Variants in ITCH observed in about 807,000 individuals in gnomAD.
ITCH encodes E3 ubiquitin-protein ligase Itchy homolog.
In ITCH, 28 loss-of-function variants were observed where a neutral mutation model predicts 126.8. The ratio of observed to expected loss-of-function variants is 0.22; its 90% CI spans 0.16 to 0.30. The LOEUF is 0.30. Among genes scored for constraint, ITCH ranks in the 10% least tolerant of loss-of-function variants. ITCH has a pLI of 1.00. For synonymous variants in ITCH, 342 were observed against 340.0 expected (o/e 1.01, Z -0.06); for missense variants, 631 against 1,032.4 (o/e 0.61, Z 5.33).
intron 7 of ITCH, among the ~76,000 whole-genome samples, chr20:34,428,924 C>T (rs1981917223): frequency 6.6e-6 from 1 of 151,962 alleles, no homozygotes; most frequent in Non-Finnish European, 1.5e-5. Flanking sequence ...TAATTAGCAG[C>T]TAATTGCTTT....
At chr20:34,464,306 TTTTC>T (rs1247103971) in intron 14 of ITCH, among the ~76,000 whole-genome samples, 18 of 151,002 alleles carry the variant, frequency 1.2e-4, no homozygotes, top group African/African-American at 2.2e-4. Flanking sequence ...CTTTTTTTTT[TTTTC>T]TTTCTTTCTT....
At chr20:34,497,779 A>G (rs1218112893) in intron 23 of ITCH, among the ~76,000 whole-genome samples, 2 of 152,078 alleles carry the variant, frequency 1.3e-5, no homozygotes, top group African/African-American at 4.8e-5. Context: ...GCATTTCGCC[A>G]TGTGACTGGT....
intron 2 of ITCH, among the ~76,000 whole-genome samples, chr20:34,372,384 C>CT (rs779017298): frequency 0.02 from 1,902 of 93,154 alleles, 155 homozygotes; most frequent in Non-Finnish European, 0.028. Flanking sequence ...TTAAGTTCTA[C>CT]TTTTTTTTTT....
chr20:34,404,111 A>C (rs575629995), intron 3 of ITCH, among the ~76,000 whole-genome samples: 2 of 152,298 alleles, frequency 1.3e-5, no homozygotes, highest in African/African-American at 2.4e-5. Context: ...TGGAGAAGTG[A>C]GAGTAAAAAC....
At chr20:34,411,981 C>T (rs150347962) in intron 4 of ITCH, among the ~76,000 whole-genome samples, 10 of 152,262 alleles carry the variant, frequency 6.6e-5, no homozygotes, top group East Asian at 1.9e-4. Flanking sequence ...ATGTAGCTGA[C>T]GTGAGGAACT....
At chr20:34,426,852 A>G (rs1981598732) in intron 7 of ITCH, among the ~76,000 whole-genome samples, 1 of 151,488 alleles carries the variant, frequency 6.6e-6, no homozygotes, top group Non-Finnish European at 1.5e-5. Context: ...TTGGCTCTCT[A>G]CAACCTCCAC....
intron 1 of ITCH, among the ~76,000 whole-genome samples, 157 bp downstream of exon 1, chr20:34,363,506 C>A (rs1009123159): frequency 3.3e-5 from 5 of 152,090 alleles, no homozygotes; most frequent in African/African-American, 1.2e-4. Flanking sequence ...CTGTCGGGGG[C>A]GCGGGGAGCT....
At chr20:34,495,451 C>G (rs1188333626) in intron 23 of ITCH, among the ~76,000 whole-genome samples, 1 of 151,926 alleles carries the variant, frequency 6.6e-6, no homozygotes, top group East Asian at 1.9e-4. Context: ...TCCCCTCATT[C>G]CTGCCACCCT....
intron 23 of ITCH, among the ~76,000 whole-genome samples, chr20:34,494,820 G>T (rs183366215): frequency 6.6e-6 from 1 of 151,932 alleles, no homozygotes; most frequent in African/African-American, 2.4e-5. Flanking sequence ...TTAGCTGAGC[G>T]TGGTGGTACA....
rs761311590 is a variant in ITCH at position 34,480,712 on chromosome 20, C to T, written c.1932C>T (p.Tyr644=). ...TAGAATCTATTGATCCAGAATTTTACAATTCTCTCATCTGGGTTAAGTAAG... is the reference window on the plus strand; with the variant it reads ...TAGAATCTATTGATCCAGAATTTTATAATTCTCTCATCTGGGTTAAGTAAG... ...KDLESIDPEF[Y]NSLIWVKENN... Residue 644 remains tyrosine (Y), a synonymous_variant, in exon 19 of 25, where the codon TAC becomes TAT. Transcript: ENST00000374864. 1.6e-5 allele frequency: 26 copies of T among 1,606,828 alleles called. No homozygotes were observed. In the South Asian group the frequency reaches 2.9e-4, roughly 18 times the overall value.
chr20:34,364,918 G>A (rs1166921085), intron 1 of ITCH, among the ~76,000 whole-genome samples: 1 of 149,916 alleles, frequency 6.7e-6, no homozygotes, highest in Non-Finnish European at 1.5e-5. Context: ...AAAAGCAATG[G>A]GATGGGTGTG....
At chr20:34,395,051 G>A (rs1417675051) in intron 3 of ITCH, among the ~76,000 whole-genome samples, 2 of 151,912 alleles carry the variant, frequency 1.3e-5, no homozygotes, top group Non-Finnish European at 1.5e-5. Context: ...GGCCAACATG[G>A]TGAAACCCCG....
rs943118663 is a variant in ITCH at position 34,506,284 on chromosome 20, G to A, written c.2490-1411G>A. Among the ~76,000 whole-genome samples, 12 of 152,076 alleles carry A rather than the reference G, an allele frequency of 7.9e-5. No individual in the cohort carries two copies. In the South Asian group the frequency reaches 8.3e-4, roughly 11 times the overall value. ...TTACTTTGTTGCTCAGGCTGGTCTC[G>A]ACCTCTTGAGCTCAAGCAATACTCC... On this transcript the variant is annotated intron_variant, in intron 24 of 24. Coordinates refer to ENST00000374864, the MANE Select transcript of ITCH (RefSeq NM_031483.7).
intron 6 of ITCH, among the ~76,000 whole-genome samples, chr20:34,415,892 G>A (rs1328499823): frequency 6.6e-6 from 1 of 152,136 alleles, no homozygotes; most frequent in Admixed American, 6.5e-5. Context: ...GGGAGGCCGA[G>A]GTGGGCTGAT....
intron 6 of ITCH, among the ~76,000 whole-genome samples, chr20:34,424,075 G>T (rs181173759): frequency 6.6e-6 from 1 of 152,154 alleles, no homozygotes; most frequent in East Asian, 1.9e-4. Context: ...TAAGAGAGAC[G>T]TTATGGGTTT....
At chr20:34,471,929 GT>G (rs1245319967) in intron 16 of ITCH, among the ~76,000 whole-genome samples, 2 of 152,054 alleles carry the variant, frequency 1.3e-5, no homozygotes, top group Admixed American at 6.6e-5. Context: ...GGGAAGACTT[GT>G]TTTAACACTT....
At chr20:34,407,016 A>G (rs867307427) in intron 3 of ITCH, among the ~76,000 whole-genome samples, 1 of 152,114 alleles carries the variant, frequency 6.6e-6, no homozygotes, top group South Asian at 2.1e-4. Flanking sequence ...TGAGGGAGCA[A>G]TGACTTGCCA....
At chr20:34,458,726 A>G (rs569365322) in intron 13 of ITCH, among the ~76,000 whole-genome samples, 4 of 152,252 alleles carry the variant, frequency 2.6e-5, no homozygotes, top group East Asian at 3.9e-4. Context: ...CAGTCTTCAC[A>G]TGGCACTCTT....
rs775712158 is a variant in ITCH, at chr20:34,504,323, T to C, written c.2417-8T>C. 6.2e-7 allele frequency: 1 copy of C among 1,608,758 alleles called. No homozygotes were observed. ...TAACAAACTGTTTATGATTTCATTA[T>C]GTTTTAGGGAGCAATGGACCACAGA... On this transcript the variant is annotated splice_polypyrimidine_tract_variant and splice_region_variant and intron_variant, in intron 23 of 24. Transcript: ENST00000374864.
Sources: gnomAD v4.1 joint callset for allele counts (sites outside exome capture counted in the v4.1 genomes callset) on GRCh38, gnomAD v4.1.1 for gene constraint, MANE v1.5 for transcripts, NCBI Gene and HGNC (gene_info 2026-07-23, HGNC 2026-07-21) for gene names.